Variants in RGPD2 observed in about 807,000 individuals in gnomAD.
The protein encoded by RGPD2 is RANBP2 like and GRIP domain containing 2.
RGPD2 carries 2 observed loss-of-function variants against 36.0 expected under a neutral mutation model. That is an observed-to-expected ratio of 0.06 (90% CI 0.02 to 0.17). RGPD2 has a LOEUF of 0.17. RGPD2 is among the 10% of genes least tolerant of loss of function. The probability of loss-of-function intolerance (pLI) is 1.00; values close to 1 mark genes in which losing one functional copy is unlikely to be tolerated. For synonymous variants in RGPD2, 19 were observed against 163.8 expected (o/e 0.12, Z 6.75); for missense variants, 40 against 464.3 (o/e 0.09, Z 8.40).
the RGPD2 span, among the ~76,000 whole-genome samples, chr2:87,932,199 C>A: frequency 4.0e-5 from 4 of 100,162 alleles, no homozygotes; most frequent in African/African-American, 1.2e-4. Context: ...TTGTGTAATG[C>A]CCTTCTTTGT....
the RGPD2 span, among the ~76,000 whole-genome samples, chr2:87,886,671 T>C: frequency 6.6e-6 from 1 of 150,852 alleles, no homozygotes; most frequent in Non-Finnish European, 1.5e-5. Flanking sequence ...AGATTTCTGA[T>C]GAAAAATGCC....
the RGPD2 span, among the ~76,000 whole-genome samples, chr2:87,967,334 G>A: frequency 6.7e-6 from 1 of 149,780 alleles, no homozygotes; most frequent in Non-Finnish European, 1.5e-5. Context: ...TGTGAACCCG[G>A]GAGGTGGAGC....
the RGPD2 span, among the ~76,000 whole-genome samples, chr2:87,893,440 G>A: frequency 6.8e-6 from 1 of 147,558 alleles, no homozygotes; most frequent in East Asian, 1.9e-4. Context: ...AGATGAAATT[G>A]TAGCTGACAA....
the RGPD2 span, among the ~76,000 whole-genome samples, chr2:87,951,466 G>C: frequency 1.3e-5 from 2 of 152,140 alleles, no homozygotes; most frequent in African/African-American, 4.8e-5. Flanking sequence ...GTAAGAGATG[G>C]AACAAAGACT....
upstream of RGPD2, among the ~76,000 whole-genome samples, chr2:87,826,212 G>T (rs1686806745): frequency 6.6e-6 from 1 of 151,928 alleles, no homozygotes; most frequent in Admixed American, 6.6e-5. Flanking sequence ...CTAGTAAATG[G>T]CATAATTGAA....
the RGPD2 span, among the ~76,000 whole-genome samples, chr2:87,877,417 C>T: frequency 6.6e-6 from 1 of 152,288 alleles, no homozygotes; most frequent in South Asian, 2.1e-4. Context: ...ATTTCCACAG[C>T]ATTTGCTTGT....
At chr2:87,943,393 A>AT in the RGPD2 span, among the ~76,000 whole-genome samples, 1 of 151,400 alleles carries the variant, frequency 6.6e-6, no homozygotes, top group Non-Finnish European at 1.5e-5. Context: ...GGCCACTTGT[A>AT]TTTTTTTGAA....
At chr2:87,985,323 A>G in the RGPD2 span, among the ~76,000 whole-genome samples, 2 of 151,072 alleles carry the variant, frequency 1.3e-5, no homozygotes, top group Non-Finnish European at 2.9e-5. Context: ...AGACAATCTT[A>G]TCTTCAGAAA....
At chr2:87,974,087 C>A in the RGPD2 span, among the ~76,000 whole-genome samples, 1 of 150,568 alleles carries the variant, frequency 6.6e-6, no homozygotes, top group African/African-American at 2.4e-5. Context: ...GAACTGATGG[C>A]ATGACCTGGT....
chr2:87,881,360 C>T, the RGPD2 span, among the ~76,000 whole-genome samples: 1 of 152,276 alleles, frequency 6.6e-6, no homozygotes. Flanking sequence ...CACAATTTAC[C>T]TCCACACTGC....
chr2:87,876,913 G>A, the RGPD2 span, among the ~76,000 whole-genome samples: 1 of 151,738 alleles, frequency 6.6e-6, no homozygotes, highest in Non-Finnish European at 1.5e-5. Flanking sequence ...ATATAATTAG[G>A]TTAGTTAGCT....
upstream of RGPD2, among the ~76,000 whole-genome samples, chr2:87,827,474 G>T (rs1349388905): frequency 3.6e-5 from 5 of 140,554 alleles, no homozygotes; most frequent in Non-Finnish European, 7.7e-5. Context: ...ATAAAATTTG[G>T]ATAATAAAGT....
chr2:87,769,910 A>G (rs539669757), intron 22 of RGPD2, among the ~76,000 whole-genome samples: 1 of 152,196 alleles, frequency 6.6e-6, no homozygotes, highest in East Asian at 1.9e-4. Flanking sequence ...AATAACTACT[A>G]AAAATATACA....
intron 1 of RGPD2, chr2:87,824,951 C>T: frequency 2.6e-6 from 1 of 383,070 alleles, no homozygotes; most frequent in East Asian, 3.7e-5. Flanking sequence ...AATGCCCCAA[C>T]TAAATACTAC....
intron 1 of RGPD2, among the ~76,000 whole-genome samples, chr2:87,824,713 AGGCCGCCGCCGCCGCCC>A (rs1686544658): frequency 1.4e-5 from 1 of 70,824 alleles, no homozygotes; most frequent in Non-Finnish European, 2.7e-5. Flanking sequence ...GCCGAGGCCG[AGGCCGCCGCCGCCGCCC>A]GGCCAGGCCG....
At chr2:87,892,117 G>A in the RGPD2 span, among the ~76,000 whole-genome samples, 1 of 151,422 alleles carries the variant, frequency 6.6e-6, no homozygotes, top group East Asian at 1.9e-4. Flanking sequence ...TTGCACTGTG[G>A]ACTCGGCCTG....
chr2:87,927,773 G>C, the RGPD2 span, among the ~76,000 whole-genome samples: 1 of 151,038 alleles, frequency 6.6e-6, no homozygotes, highest in Non-Finnish European at 1.5e-5. Context: ...AGCACATAGA[G>C]CCAGTTCCTG....
the RGPD2 span, among the ~76,000 whole-genome samples, chr2:87,849,089 T>C: frequency 6.6e-6 from 1 of 152,064 alleles, no homozygotes; most frequent in Non-Finnish European, 1.5e-5. Flanking sequence ...ACAAAATATT[T>C]AATGCCAAAA....
chr2:87,775,206 CCATT>C, intron 20 of RGPD2, 123 bp from the exon 21 acceptor site: 1 of 51,636 alleles, frequency 1.9e-5, no homozygotes, highest in African/African-American at 5.9e-5. Context: ...GCTTTCTTTG[CCATT>C]CATCTATTCA....
Sources: gnomAD v4.1 joint callset for allele counts (sites outside exome capture counted in the v4.1 genomes callset) on GRCh38, gnomAD v4.1.1 for gene constraint, MANE v1.5 for transcripts, NCBI Gene and HGNC (gene_info 2026-07-23, HGNC 2026-07-21) for gene names.